Variants in ACAD9 observed in about 807,000 individuals in gnomAD.
ACAD9 encodes complex I assembly factor ACAD9, mitochondrial.
A neutral mutation model predicts 70.2 loss-of-function variants in ACAD9; 53 were observed. The ratio of observed to expected loss-of-function variants is 0.75; its 90% CI spans 0.61 to 0.95. The LOEUF is 0.95. ACAD9 is among the 40% of genes least tolerant of loss of function. ACAD9 has a pLI of 0.00. For missense variants in ACAD9, 777 were observed against 802.8 expected (o/e 0.97, Z 0.39); for synonymous variants, 313 against 312.1 (o/e 1.00, Z -0.03).
At chr3:128,907,504 G>A (rs1442298086) in intron 12 of ACAD9, among the ~76,000 whole-genome samples, 1 of 152,164 alleles carries the variant, frequency 6.6e-6, no homozygotes, top group Non-Finnish European at 1.5e-5. Context: ...GCTCGGAGCT[G>A]GGTGGTCCTG....
intron 13 of ACAD9, 113 bp from the exon 14 acceptor site, chr3:128,908,860 C>T: frequency 6.5e-7 from 1 of 1,541,512 alleles, no homozygotes; most frequent in Non-Finnish European, 8.9e-7. Context: ...AGGGGCCCAG[C>T]ATACCCAGGC....
At chr3:128,901,876 A>T (rs2107655941) in intron 8 of ACAD9, among the ~76,000 whole-genome samples, 1 of 152,240 alleles carries the variant, frequency 6.6e-6, no homozygotes, top group African/African-American at 2.4e-5. Context: ...CCCTTACCCC[A>T]TCCCTTGGCT....
intron 3 of ACAD9, among the ~76,000 whole-genome samples, chr3:128,894,587 T>G (rs1935515634): frequency 6.8e-6 from 1 of 146,894 alleles, no homozygotes; most frequent in Admixed American, 7.1e-5. Flanking sequence ...CAGGCTGGAG[T>G]GCAGTGGTGT....
Position 128,879,742 on chromosome 3 carries a change from C to G in ACAD9, c.51C>G (p.Cys17Trp). ...FLRTTAAARA[C>W]RGLVVSTANR... ...GCACCACGGCTGCGGCTCGTGCCTG[C>G]CGGGGTCTGGTGGTCTCTACCGCGA... is the stretch of plus-strand genomic sequence containing the variant. Residue 17 changes from cysteine to tryptophan, a missense_variant, in exon 1 of 18, where the codon TGC becomes TGG. Cys to Trp is a radical substitution (Grantham distance 215). Transcript: ENST00000308982. The G allele has an allele frequency of 6.2e-7, 1 of 1,612,896 alleles. No homozygotes were observed. Among genetic ancestry groups the G allele is most frequent in the East Asian group, 2.2e-5 (1 of 44,880 alleles).
chr3:128,897,722 TC>T lies in ACAD9; in HGVS notation c.633+16del. On this transcript the variant is annotated intron_variant, in intron 6 of 17. Transcript: ENST00000308982. ...TCAATGGCTCCAAGGTAGGGTTCCT[TC>T]CCCATGGCCACATTAGGGTCTCAGT... 6.2e-7 allele frequency: 1 copy of T among 1,611,668 alleles called. No individual in the cohort carries two copies. Among genetic ancestry groups the T allele is most frequent in the Non-Finnish European group, 8.5e-7 (1 of 1,178,758 alleles).
At chr3:128,908,866 C>T in intron 13 of ACAD9, 107 bp from the exon 14 acceptor site, 2 of 1,571,894 alleles carry the variant, frequency 1.3e-6, no homozygotes, top group South Asian at 1.1e-5. Flanking sequence ...CCAGCATACC[C>T]AGGCCAGAGG....
Position 128,908,831 on chromosome 3 carries a change from G to C in ACAD9, c.1359-142G>C, listed in dbSNP as rs1264951233. 5.9e-6 allele frequency: 8 copies of C among 1,346,694 alleles called. No individual in the cohort carries two copies. The East Asian group carries it at 1.7e-4, about 29-fold the overall frequency. 83.4% of individuals were successfully genotyped at this position (1,346,694 alleles called of 1,614,324 possible). On this transcript the variant is annotated intron_variant, in intron 13 of 17. Transcript: ENST00000308982. ...GCTCTCTGGCAGGTGGTGGGTTTGG[G>C]GGGGTTCAGGCTGTAGCCAGGGGCC...
intron 2 of ACAD9, among the ~76,000 whole-genome samples, chr3:128,892,005 A>G (rs1576335369): frequency 6.6e-6 from 1 of 152,354 alleles, no homozygotes; most frequent in East Asian, 1.9e-4. Flanking sequence ...AACACGGGTG[A>G]ATCTGTAAAT....
rs2107650165 is a variant in ACAD9, at chr3:128,895,315, C to T, written c.352C>T (p.Leu118=). 2 of 1,611,344 alleles carry T rather than the reference C, an allele frequency of 1.2e-6. No individual in the cohort carries two copies. The highest frequency in any genetic ancestry group is 1.7e-6 in the Non-Finnish European group (2 of 1,178,848). ...GLQVPEEYGG[L]GFSNTMYSRL... ...CGCTGGTCCATCTCTCCTAGGTGGC[C>T]TGGGCTTCTCCAACACCATGTACTC... Residue 118 remains leucine (L), a synonymous_variant, in exon 4 of 18, where the codon CTG becomes TTG. Coordinates refer to ENST00000308982, the MANE Select transcript of ACAD9 (RefSeq NM_014049.5).
rs367974834 is a variant in ACAD9 at position 128,910,125 on chromosome 3, T to A, written c.1668T>A (p.Ile556=). ...CGCGGGCCAGCCGCTCCATCCGCAT[T>A]GGGCTCCGCAACCACGACCACGAGG... ...VLSRASRSIR[I]GLRNHDHEVL... is the part of the protein sequence containing the mutation. Residue 556 remains isoleucine (I), a synonymous_variant, in exon 16 of 18, where the codon ATT becomes ATA. Transcript: ENST00000308982. 8.1e-6 allele frequency: 13 copies of A among 1,613,940 alleles called. No individual in the cohort carries two copies. In the African/African-American group the frequency reaches 1.3e-4, roughly 17 times the overall value.
intron 1 of ACAD9, among the ~76,000 whole-genome samples, chr3:128,883,427 G>A (rs1448944468): frequency 6.6e-6 from 1 of 150,962 alleles, no homozygotes; most frequent in African/African-American, 2.4e-5. Context: ...GCGCAATCTC[G>A]GCTCACTGCA....
At chr3:128,908,880 G>A (rs932281004) in intron 13 of ACAD9, 93 bp from the exon 14 acceptor site, 45 of 1,596,502 alleles carry the variant, frequency 2.8e-5, no homozygotes, top group East Asian at 6.7e-5. Flanking sequence ...CCAGAGGGGG[G>A]CACGGAGCTT....
At chr3:128,905,145 T>C (rs1341363348) in intron 11 of ACAD9, among the ~76,000 whole-genome samples, 1 of 151,198 alleles carries the variant, frequency 6.6e-6, no homozygotes, top group East Asian at 2.0e-4. Flanking sequence ...CAAAACTCCA[T>C]CTCAAAAAAA....
intron 13 of ACAD9, 150 bp from the exon 14 acceptor site, chr3:128,908,823 G>A (rs2107662349): frequency 4.8e-6 from 6 of 1,241,638 alleles, no homozygotes; most frequent in South Asian, 1.3e-5. Context: ...GGCAGGTGGT[G>A]GGTTTGGGGG....
At chr3:128,889,178 AAC>A (rs1491544885) in intron 2 of ACAD9, among the ~76,000 whole-genome samples, 71 of 151,696 alleles carry the variant, frequency 4.7e-4, no homozygotes, top group African/African-American at 1.7e-3. Flanking sequence ...AAAAAAAAAA[AAC>A]AAAAAATATT....
chr3:128,893,850 G>A (rs1377302684), intron 3 of ACAD9, among the ~76,000 whole-genome samples, 194 bp downstream of exon 3: 1 of 152,240 alleles, frequency 6.6e-6, no homozygotes, highest in Non-Finnish European at 1.5e-5. Context: ...ACAGAGGAAT[G>A]AGGCATGTGG....
At chr3:128,911,365 G>A (rs1013499256) in intron 17 of ACAD9, among the ~76,000 whole-genome samples, 6 of 151,540 alleles carry the variant, frequency 4.0e-5, no homozygotes, top group Admixed American at 6.6e-5. Flanking sequence ...GCCTGCCAAG[G>A]CAATTTTAGA....
At chr3:128,886,268 A>T (rs1935242542) in intron 2 of ACAD9, among the ~76,000 whole-genome samples, 1 of 150,984 alleles carries the variant, frequency 6.6e-6, no homozygotes. Context: ...ACGCCCGGGT[A>T]ATTTTTGTAT....
rs1576337579 is a variant in ACAD9, at chr3:128,895,167, A to G, written c.347-143A>G. The G allele has an allele frequency of 5.6e-6, 4 of 718,820 alleles. 1 individual carries two copies. The South Asian group carries it at 6.2e-5, about 11-fold the overall frequency. 44.5% of individuals were successfully genotyped at this position (718,820 alleles called of 1,614,324 possible). A position where few individuals can be genotyped will look rare whatever the true frequency, so the allele number is the denominator to read the frequency against. On this transcript the variant is annotated intron_variant, in intron 3 of 17. Transcript: ENST00000308982. ...ACTGGGATTACAGGTGTGAGCCACC[A>G]TGCCCGGCCTGTATTGTGATTTTTT...
Sources: allele counts gnomAD v4.1 joint callset (sites outside exome capture counted in the v4.1 genomes callset), GRCh38; gene constraint gnomAD v4.1.1; transcripts MANE v1.5; gene names NCBI Gene and HGNC (gene_info 2026-07-23, HGNC 2026-07-21).